FHIT: variants seen among roughly 807,000 people sequenced by gnomAD.
FHIT encodes the protein bis(5'-adenosyl)-triphosphatase.
In FHIT, 19 loss-of-function variants were observed where a neutral mutation model predicts 17.9. The observed-to-expected ratio is 1.06, with a 90% confidence interval of 0.74 to 1.56. The LOEUF is 1.56. FHIT is among the 40% of genes most tolerant of loss of function. FHIT has a pLI of 0.00. For synonymous variants in FHIT, 81 were observed against 69.7 expected (o/e 1.16, Z -0.81); for missense variants, 248 against 189.2 (o/e 1.31, Z -1.82).
At chr3:60,264,751 C>T (rs1430169944) in intron 5 of FHIT, among the ~76,000 whole-genome samples, 1 of 151,836 alleles carries the variant, frequency 6.6e-6, no homozygotes, top group African/African-American at 2.4e-5. Context: ...AAGTACATAT[C>T]AATATATCAA....
chr3:60,014,445 G>A (rs1700264104), intron 5 of FHIT, among the ~76,000 whole-genome samples: 1 of 152,184 alleles, frequency 6.6e-6, no homozygotes. Flanking sequence ...AATTATGCGA[G>A]GAGGCAAGAT....
intron 5 of FHIT, among the ~76,000 whole-genome samples, chr3:60,239,169 T>G (rs1387042082): frequency 6.6e-6 from 1 of 152,184 alleles, no homozygotes; most frequent in East Asian, 1.9e-4. Context: ...TTTGTATATA[T>G]TTACATTTTG....
intron 1 of FHIT, among the ~76,000 whole-genome samples, chr3:61,211,223 A>G (rs952175275): frequency 6.6e-6 from 1 of 151,970 alleles, no homozygotes; most frequent in Non-Finnish European, 1.5e-5. Context: ...CGGGAAGTGC[A>G]AGGGGTCAGA....
intron 5 of FHIT, among the ~76,000 whole-genome samples, chr3:60,075,750 T>C (rs1702978749): frequency 6.6e-6 from 1 of 152,084 alleles, no homozygotes. Flanking sequence ...CCATCAATTA[T>C]AGAAGACACA....
chr3:60,675,411 A>G (rs1577057442), intron 4 of FHIT, among the ~76,000 whole-genome samples: 1 of 152,320 alleles, frequency 6.6e-6, no homozygotes, highest in Middle Eastern at 3.4e-3. Flanking sequence ...ACTGCTAGCT[A>G]ATGTCTCTGC....
intron 5 of FHIT, among the ~76,000 whole-genome samples, chr3:60,119,573 G>A (rs1450569487): frequency 6.6e-6 from 1 of 152,048 alleles, no homozygotes; most frequent in Non-Finnish European, 1.5e-5. Context: ...TTTGAAACAA[G>A]GTTTTCTATG....
At chr3:60,810,023 G>A (rs563537820) in intron 4 of FHIT, among the ~76,000 whole-genome samples, 33 of 152,162 alleles carry the variant, frequency 2.2e-4, no homozygotes, top group Non-Finnish European at 3.2e-4. Context: ...CACACACTGC[G>A]GTGATGATAA....
chr3:60,318,862 T>C (rs962613292), intron 5 of FHIT, among the ~76,000 whole-genome samples: 1 of 152,220 alleles, frequency 6.6e-6, no homozygotes, highest in African/African-American at 2.4e-5. Context: ...AGGCTGATTC[T>C]TTCTAGAGAT....
At position 61,216,580 on chromosome 3, in the gene FHIT, G is replaced by C. The variant is rs186516768; in HGVS notation, c.-212-15915C>G. Among the ~76,000 whole-genome samples the C allele has an allele frequency of 9.0e-3, 1,371 of 152,338 alleles. 24 individuals are homozygous for C. Among genetic ancestry groups the C allele is most frequent in the African/African-American group, 0.032 (1,312 of 41,568 alleles). ...ACTAGTTCAACCATTGTGGAAGTCA[G>C]TGTGGCGATTCCTCAGGGATCTAGA... On this transcript the variant is annotated intron_variant, in intron 1 of 9. Coordinates refer to ENST00000492590, the MANE Select transcript of FHIT (RefSeq NM_002012.4).
intron 4 of FHIT, among the ~76,000 whole-genome samples, chr3:60,736,045 C>A (rs1735478): frequency 0.91 from 138,623 of 151,636 alleles, 63,221 homozygotes; most frequent in East Asian, 1. Flanking sequence ...CATGAAAAAA[C>A]TGTTGAACAT....
intron 5 of FHIT, among the ~76,000 whole-genome samples, chr3:60,047,579 G>T (rs750033553): frequency 2.6e-5 from 4 of 152,166 alleles, no homozygotes; most frequent in Non-Finnish European, 4.4e-5. Flanking sequence ...CGATATGCTA[G>T]GTCACCCTGG....
chr3:60,025,812 A>G lies in FHIT; in HGVS notation c.104-11660T>C, dbSNP rs560273279. On this transcript the variant is annotated intron_variant, in intron 5 of 9. Transcript: ENST00000492590. Reference sequence around the variant, plus strand: ...ATGTTTCCAAAACAGGAAGCAAAAGACATTTTAATGTCACTGTGGCAGCTT... The same window carrying G: ...ATGTTTCCAAAACAGGAAGCAAAAGGCATTTTAATGTCACTGTGGCAGCTT... Among the ~76,000 whole-genome samples, 110 of 152,274 alleles carry G rather than the reference A, an allele frequency of 7.2e-4. 1 individual carries two copies. The highest frequency in any genetic ancestry group is 9.3e-4 in the Non-Finnish European group (63 of 68,022).
chr3:60,242,293 T>C (rs1705168799), intron 5 of FHIT, among the ~76,000 whole-genome samples: 2 of 152,020 alleles, frequency 1.3e-5, no homozygotes, highest in African/African-American at 4.8e-5. Flanking sequence ...GAAATTTGTT[T>C]AAAATCCTAT....
At chr3:61,137,782 G>T (rs189416054) in intron 2 of FHIT, among the ~76,000 whole-genome samples, 242 of 152,304 alleles carry the variant, frequency 1.6e-3, no homozygotes, top group Non-Finnish European at 2.7e-3. Context: ...GGATCCTGGA[G>T]CTAGAAAGCC....
At chr3:60,159,464 T>C (rs1576224092) in intron 5 of FHIT, among the ~76,000 whole-genome samples, 1 of 152,224 alleles carries the variant, frequency 6.6e-6, no homozygotes, top group East Asian at 1.9e-4. Flanking sequence ...CTCTCCCCCA[T>C]ACATATCCTC....
chr3:60,785,580 A>T (rs909756053), intron 4 of FHIT, among the ~76,000 whole-genome samples: 10 of 152,250 alleles, frequency 6.6e-5, no homozygotes, highest in Admixed American at 3.3e-4. Context: ...GTTTTATCCC[A>T]GAGAAAAAGA....
At chr3:60,918,617 G>C (rs1383599883) in intron 3 of FHIT, among the ~76,000 whole-genome samples, 2 of 152,138 alleles carry the variant, frequency 1.3e-5, no homozygotes, top group African/African-American at 4.8e-5. Flanking sequence ...AGAAGATCTG[G>C]GAAAGGAAAC....
intron 1 of FHIT, among the ~76,000 whole-genome samples, chr3:61,208,093 AG>A (rs2039314862): frequency 6.6e-6 from 1 of 152,092 alleles, no homozygotes; most frequent in Non-Finnish European, 1.5e-5. Context: ...ACTCAGGAGC[AG>A]GTTGTTCAGT....
intron 5 of FHIT, among the ~76,000 whole-genome samples, chr3:60,092,778 A>G (rs905120190): frequency 6.6e-6 from 1 of 152,220 alleles, no homozygotes; most frequent in Non-Finnish European, 1.5e-5. Flanking sequence ...CACTGTGAGC[A>G]AAAGAACTCT....
Sources: allele counts gnomAD v4.1 joint callset (sites outside exome capture counted in the v4.1 genomes callset), GRCh38; gene constraint gnomAD v4.1.1; transcripts MANE v1.5; gene names NCBI Gene and HGNC (gene_info 2026-07-23, HGNC 2026-07-21).